The following SUSD6 variants were observed in gnomAD, a reference collection of about 807,000 sequenced individuals.
SUSD6 encodes sushi domain containing 6.
A neutral mutation model predicts 28.4 loss-of-function variants in SUSD6; 16 were observed. The observed-to-expected ratio is 0.56, with a 90% CI of 0.38 to 0.86. The LOEUF (loss-of-function observed/expected upper bound fraction) is 0.86, where lower values mean the gene tolerates loss of function less well. Ranked by LOEUF, SUSD6 falls within the 40% of genes least tolerant of loss-of-function variation. The pLI, the probability that SUSD6 is intolerant of heterozygous loss-of-function variation, is 0.00. For missense variants in SUSD6, 341 were observed against 384.2 expected (o/e 0.89, Z 0.94); for synonymous variants, 147 against 159.6 (o/e 0.92, Z 0.59).
intron 5 of SUSD6, among the ~76,000 whole-genome samples, chr14:69,709,516 A>G (rs891457419): frequency 6.6e-6 from 1 of 152,208 alleles, no homozygotes; most frequent in African/African-American, 2.4e-5. Context: ...GCTGCTTTCT[A>G]AACAGGAGTG....
intron 2 of SUSD6, 137 bp from the exon 3 acceptor site, chr14:69,703,258 G>A: frequency 1.4e-6 from 1 of 719,678 alleles, no homozygotes; most frequent in Non-Finnish European, 2.3e-6. Context: ...TCCAGGGTTT[G>A]GTTAACAGTT....
chr14:69,617,795 G>A (rs1156615247), intron 1 of SUSD6: 1 of 152,190 alleles, frequency 6.6e-6, no homozygotes, highest in Non-Finnish European at 1.5e-5. Context: ...CCTGCTCAAA[G>A]GCTTCTGCTA....
At chr14:69,617,622 A>C (rs1375788105) in intron 1 of SUSD6, 3 of 152,230 alleles carry the variant, frequency 2.0e-5, no homozygotes, top group African/African-American at 7.2e-5. Flanking sequence ...TTAAACAAAT[A>C]AAGAGGATTT....
chr14:69,649,364 C>T (rs1477281273), intron 1 of SUSD6, among the ~76,000 whole-genome samples: 1 of 152,086 alleles, frequency 6.6e-6, no homozygotes, highest in Non-Finnish European at 1.5e-5. Flanking sequence ...GAAGCCTGTT[C>T]CACTCAGCCC....
At chr14:69,639,302 A>T (rs1268538969) in intron 1 of SUSD6, among the ~76,000 whole-genome samples, 2 of 128,492 alleles carry the variant, frequency 1.6e-5, no homozygotes, top group African/African-American at 3.0e-5. Flanking sequence ...CAACACAGCG[A>T]GACTCCGTCT....
rs944801380 is a variant in SUSD6 at position 69,611,746 on chromosome 14, A to T, written c.-163A>T. 2.3e-4 allele frequency: 34 copies of T among 151,036 alleles called. No individual in the cohort carries two copies. Among genetic ancestry groups the T allele is most frequent in the Admixed American group, 2.0e-3 (30 of 15,224 alleles). 9.4% of individuals were successfully genotyped at this position (151,036 alleles called of 1,614,324 possible). Reference sequence around the variant, plus strand: ...CAAGGGCACGCGGGGCCTCGCCTAGACCCGAGAAGACTGCGGGCGCGCGCA... The same window carrying T: ...CAAGGGCACGCGGGGCCTCGCCTAGTCCCGAGAAGACTGCGGGCGCGCGCA... On this transcript the variant is annotated 5_prime_UTR_variant, in exon 1 of 6. Coordinates refer to ENST00000342745, the MANE Select transcript of SUSD6 (RefSeq NM_014734.4).
At chr14:69,705,438 G>A (rs1321713283) in intron 4 of SUSD6, among the ~76,000 whole-genome samples, 3 of 152,150 alleles carry the variant, frequency 2.0e-5, no homozygotes, top group African/African-American at 7.2e-5. Context: ...GAACTTGTTA[G>A]GATCAACCAA....
chr14:69,710,823 G>C (rs533313204), intron 5 of SUSD6, 131 bp from the exon 6 acceptor site: 3 of 834,828 alleles, frequency 3.6e-6, no homozygotes, highest in East Asian at 2.4e-5. Context: ...ACCTAGAAGT[G>C]TATGAGTGGG....
At chr14:69,671,838 A>T (rs1181263847) in intron 2 of SUSD6, among the ~76,000 whole-genome samples, 2 of 152,182 alleles carry the variant, frequency 1.3e-5, no homozygotes, top group Non-Finnish European at 2.9e-5. Context: ...ATTGTTCTCA[A>T]TACCTTGTTG....
intron 1 of SUSD6, among the ~76,000 whole-genome samples, chr14:69,638,359 G>A (rs1357275092): frequency 6.6e-6 from 1 of 151,438 alleles, no homozygotes; most frequent in Non-Finnish European, 1.5e-5. Flanking sequence ...ACGCAAAAAG[G>A]AAGTAATCTA....
chr14:69,660,878 T>C (rs890431460), intron 2 of SUSD6, among the ~76,000 whole-genome samples: 2 of 152,270 alleles, frequency 1.3e-5, no homozygotes, highest in Non-Finnish European at 2.9e-5. Context: ...TGAGTCGTTA[T>C]GACAAAGACC....
At chr14:69,704,363 A>C (rs1886356594) in intron 3 of SUSD6, among the ~76,000 whole-genome samples, 1 of 152,198 alleles carries the variant, frequency 6.6e-6, no homozygotes, top group Admixed American at 6.5e-5. Context: ...TGTCAGATGG[A>C]CCTCAAAGAT....
intron 1 of SUSD6, among the ~76,000 whole-genome samples, chr14:69,656,757 T>C (rs1350296916): frequency 1.3e-5 from 2 of 152,196 alleles, no homozygotes; most frequent in African/African-American, 4.8e-5. Context: ...CTAAGAGAGG[T>C]TATATGACTT....
intron 1 of SUSD6, among the ~76,000 whole-genome samples, chr14:69,654,790 G>GGTGTGTGTGTT (rs1555344103): frequency 2.5e-4 from 25 of 98,986 alleles, no homozygotes; most frequent in African/African-American, 1.0e-3. Flanking sequence ...TTTTTTTTTT[G>GGTGTGTGTGTT]GTGTGTGTGT....
intron 1 of SUSD6, among the ~76,000 whole-genome samples, chr14:69,654,984 G>C (rs1004337359): frequency 6.6e-6 from 1 of 151,840 alleles, no homozygotes; most frequent in East Asian, 1.9e-4. Flanking sequence ...TAGTAGAGAC[G>C]GGGTTTCACC....
intron 2 of SUSD6, among the ~76,000 whole-genome samples, chr14:69,689,270 C>T (rs1205743728): frequency 6.6e-6 from 1 of 152,154 alleles, no homozygotes; most frequent in Non-Finnish European, 1.5e-5. Flanking sequence ...TAGAAAGCTC[C>T]TAGAGTGTAG....
At position 69,658,579 on chromosome 14, in the gene SUSD6, TGGAC is replaced by T. The variant is rs779347533; in HGVS notation, c.-10_-7del. On this transcript the variant is annotated 5_prime_UTR_variant, in exon 2 of 6. Transcript: ENST00000342745. ...TAAATTTTTTCTTTTTAAAAAAACT[TGGAC>T]GGATAAAAGATGTGCCATGGCAGGA... 2.4e-5 allele frequency: 39 copies of T among 1,613,492 alleles called. 1 individual carries two copies. In the South Asian group the frequency reaches 3.1e-4, roughly 13 times the overall value.
At chr14:69,694,871 G>A (rs779618595) in intron 2 of SUSD6, among the ~76,000 whole-genome samples, 5 of 152,164 alleles carry the variant, frequency 3.3e-5, no homozygotes, top group Non-Finnish European at 5.9e-5. Context: ...CTGATCTTCC[G>A]AGGAGGGCTT....
intron 2 of SUSD6, among the ~76,000 whole-genome samples, chr14:69,695,207 G>A (rs1287563118): frequency 2.6e-5 from 4 of 152,024 alleles, no homozygotes; most frequent in African/African-American, 9.7e-5. Context: ...TGGCGGGATC[G>A]GGAAGCCAGA....
Sources: gnomAD v4.1 joint callset for allele counts (sites outside exome capture counted in the v4.1 genomes callset) on GRCh38, gnomAD v4.1.1 for gene constraint, MANE v1.5 for transcripts, NCBI Gene and HGNC (gene_info 2026-07-23, HGNC 2026-07-21) for gene names.